The following SYNE2 variants were observed in gnomAD, a reference collection of about 807,000 sequenced individuals.
The protein encoded by SYNE2 is nesprin-2.
Under a neutral mutation model 856.3 loss-of-function variants are expected in SYNE2, and 431 were observed. The observed-to-expected ratio is 0.50, with a 90% CI of 0.47 to 0.55. The LOEUF is 0.55. SYNE2 is among the 20% of genes least tolerant of loss of function. The probability of loss-of-function intolerance (pLI) is 0.00; values close to 1 mark genes in which losing one functional copy is unlikely to be tolerated. For synonymous variants in SYNE2, 2,923 were observed against 2,872.3 expected, an observed-to-expected ratio of 1.02 and a Z score of -0.56; for missense variants, 8,129 against 8,023.2, an observed-to-expected ratio of 1.01 and a Z score of -0.50.
chr14:64,177,227 A>G, intron 95 of SYNE2, 131 bp from the exon 96 acceptor site: 1 of 1,129,194 alleles, frequency 8.9e-7, no homozygotes, highest in Non-Finnish European at 1.3e-6. Flanking sequence ...AAGACAGGGA[A>G]CTGGGTGTCT....
chr14:64,188,878 G>A, intron 98 of SYNE2, 170 bp downstream of exon 98: 3 of 750,392 alleles, frequency 4.0e-6, no homozygotes, highest in Non-Finnish European at 4.7e-6. Context: ...TGGAAGAGAG[G>A]AGGTTCCAGA....
chr14:63,952,926 A>G (rs2096185720), intron 7 of SYNE2, among the ~76,000 whole-genome samples: 1 of 152,206 alleles, frequency 6.6e-6, no homozygotes, highest in African/African-American at 2.4e-5. Context: ...TAGTTGTTCT[A>G]GAATATATCC....
intron 6 of SYNE2, among the ~76,000 whole-genome samples, chr14:63,947,140 A>G (rs539055413): frequency 3.3e-5 from 5 of 152,176 alleles, no homozygotes; most frequent in Admixed American, 2.0e-4. Flanking sequence ...GTGAGCCACC[A>G]TGCCTGGCCT....
intron 77 of SYNE2, 119 bp downstream of exon 77, chr14:64,132,557 C>G: frequency 7.4e-7 from 1 of 1,350,432 alleles, no homozygotes; most frequent in South Asian, 1.2e-5. Flanking sequence ...GGAAGCCTGA[C>G]AGTGAGGAAT....
At chr14:64,200,963 G>A (rs1567625414) in intron 99 of SYNE2, among the ~76,000 whole-genome samples, 1 of 152,206 alleles carries the variant, frequency 6.6e-6, no homozygotes, top group Non-Finnish European at 1.5e-5. Flanking sequence ...AAAGAACTTT[G>A]TGAGGTCCAA....
At position 64,125,222 on chromosome 14, in the gene SYNE2, A is replaced by G; in HGVS notation, c.13554+12A>G. The G allele has an allele frequency of 6.2e-7, 1 of 1,614,042 alleles. No homozygotes were observed. ...ACCTTCAGACACAGGTAGAAGCTGC[A>G]CACAATGTGTTTTCCTCATTGTAAT... On this transcript the variant is annotated intron_variant, in intron 71 of 115. Coordinates refer to ENST00000555002, the MANE Select transcript of SYNE2 (RefSeq NM_182914.3).
chr14:64,072,593 G>T (rs907721885), intron 52 of SYNE2, among the ~76,000 whole-genome samples: 1 of 151,792 alleles, frequency 6.6e-6, no homozygotes, highest in African/African-American at 2.4e-5. Context: ...TCGGCTTCCT[G>T]AGTTCAAGCG....
rs559108581 is a variant in SYNE2 at position 63,842,661 on chromosome 14, T to C, written c.-304-9840T>C. ...TTTAGTAGAGATGGGGGTTTCACCA[T>C]GTTGGCCAGGCTGGTCTGGAACTCC... is the stretch of plus-strand genomic sequence containing the variant. On this transcript the variant is annotated intron_variant, in intron 1 of 23. Transcript: ENST00000674003. 2.6e-5 allele frequency among the ~76,000 whole-genome samples: 4 copies of C among 152,142 alleles called. No individual in the cohort carries two copies. In the South Asian group the frequency reaches 6.2e-4, roughly 24 times the overall value.
intron 1 of SYNE2, among the ~76,000 whole-genome samples, chr14:63,834,374 A>T (rs969068627): frequency 2.0e-5 from 3 of 151,852 alleles, no homozygotes; most frequent in Non-Finnish European, 4.4e-5. Context: ...GAAAAAATTT[A>T]AAAAAAGAAA....
chr14:63,924,148 G>C (rs922554819), intron 2 of SYNE2, among the ~76,000 whole-genome samples: 3 of 152,070 alleles, frequency 2.0e-5, no homozygotes, highest in Non-Finnish European at 4.4e-5. Context: ...TGGCATGCCT[G>C]TCAGAAATCA....
intron 93 of SYNE2, 44 bp downstream of exon 93, chr14:64,169,015 T>A (rs756139484): frequency 2.0e-6 from 3 of 1,468,572 alleles, no homozygotes; most frequent in Non-Finnish European, 2.9e-6. Context: ...GGATGGAAGG[T>A]AATGCATTCA....
chr14:64,223,501 G>T (rs2098704119), intron 113 of SYNE2, 121 bp downstream of exon 113: 6 of 1,050,046 alleles, frequency 5.7e-6, no homozygotes. Context: ...TCCGAGTGGG[G>T]CCTCATGTCG....
chr14:63,902,630 G>T (rs1263373336), intron 1 of SYNE2, among the ~76,000 whole-genome samples: 1 of 151,804 alleles, frequency 6.6e-6, no homozygotes, highest in Non-Finnish European at 1.5e-5. Flanking sequence ...AGACCCGGGA[G>T]ACTCAATCTA....
At chr14:63,895,303 GT>G (rs1315353854) in intron 1 of SYNE2, among the ~76,000 whole-genome samples, 1 of 151,138 alleles carries the variant, frequency 6.6e-6, no homozygotes. Context: ...TAGAGACAGG[GT>G]TTCACCATAT....
In SYNE2 at chr14:63,901,029, G is replaced by A. The variant is rs28611357; in HGVS notation, c.-51-8069G>A. On this transcript the variant is annotated intron_variant, in intron 1 of 115. Coordinates refer to ENST00000555002, the MANE Select transcript of SYNE2 (RefSeq NM_182914.3). ...AAAATCACTCTGTTAAAGAAATAAC[G>A]TGAATGCTACATCTGTTATGATATA... Among the ~76,000 whole-genome samples the A allele has an allele frequency of 4.8e-3, 727 of 152,292 alleles. 4 individuals carry two copies. Among genetic ancestry groups the A allele is most frequent in the African/African-American group, 0.016 (657 of 41,560 alleles).
intron 50 of SYNE2, 125 bp from the exon 51 acceptor site, chr14:64,065,307 A>G: frequency 1.1e-5 from 9 of 817,014 alleles, no homozygotes; most frequent in South Asian, 7.7e-5. Flanking sequence ...AAAGGATAAG[A>G]GGTGGATCAT....
rs10673123 is a variant in SYNE2 at position 63,919,972 on chromosome 14, G to GTTTTTTTTTTTTT, written c.79+10752_79+10764dup. Among the ~76,000 whole-genome samples the GTTTTTTTTTTTTT allele has an allele frequency of 1.7e-3, 189 of 110,560 alleles. 9 individuals are homozygous for GTTTTTTTTTTTTT. The highest frequency in any genetic ancestry group is 4.8e-3 in the African/African-American group (125 of 26,130). The allele number at this position is 110,560 out of a possible 152,430, so 72.5% of individuals were successfully genotyped here. On this transcript the variant is annotated intron_variant, in intron 2 of 115. Transcript: ENST00000555002. ...ATATCAGGCACATGATAAAAGGTAAGTTTTTTTTTTTTTTTTTTTAAGGTA... is the reference window on the plus strand; with the variant it reads ...ATATCAGGCACATGATAAAAGGTAAGTTTTTTTTTTTTTTTTTTTTTTTTTTTTTTTTAAGGTA...
intron 1 of SYNE2, among the ~76,000 whole-genome samples, chr14:63,874,680 T>G (rs1440686426): frequency 2.0e-5 from 3 of 152,114 alleles, no homozygotes; most frequent in Non-Finnish European, 4.4e-5. Flanking sequence ...AAACAAAAAC[T>G]AATGGACTTT....
At chr14:63,782,561 A>C (rs1456006609) in intron 1 of SYNE2, among the ~76,000 whole-genome samples, 1 of 152,016 alleles carries the variant, frequency 6.6e-6, no homozygotes, top group East Asian at 1.9e-4. Flanking sequence ...ATTCCAGGCA[A>C]TTTGATCATC....
Sources: allele counts gnomAD v4.1 joint callset (sites outside exome capture counted in the v4.1 genomes callset), GRCh38; gene constraint gnomAD v4.1.1; transcripts MANE v1.5; gene names NCBI Gene and HGNC (gene_info 2026-07-23, HGNC 2026-07-21).